Variants in FOXF1 observed in about 807,000 individuals in gnomAD.
FOXF1 encodes the protein forkhead box F1.
Under a neutral mutation model 26.6 loss-of-function variants are expected in FOXF1, and 9 were observed. The ratio of observed to expected loss-of-function variants is 0.34; its 90% CI spans 0.20 to 0.59. FOXF1 has a LOEUF of 0.59. Ranked by LOEUF, FOXF1 falls within the 20% of genes least tolerant of loss-of-function variation. The probability of loss-of-function intolerance (pLI) is 0.83; values close to 1 mark genes in which losing one functional copy is unlikely to be tolerated. For synonymous variants in FOXF1, 330 were observed against 257.7 expected (o/e 1.28, Z -2.69); for missense variants, 499 against 549.9 (o/e 0.91, Z 0.93).
At chr16:86,511,759 T>C (rs1969569698) in intron 1 of FOXF1, among the ~76,000 whole-genome samples, 2 of 152,210 alleles carry the variant, frequency 1.3e-5, no homozygotes, top group African/African-American at 4.8e-5. Context: ...TCTGTTTCTC[T>C]TTCTGTTCGA....
chr16:86,513,026 G>C lies in FOXF1; in HGVS notation c.1081G>C (p.Gly361Arg). The C allele has an allele frequency of 6.2e-7, 1 of 1,613,654 alleles. No homozygotes were observed. The highest frequency in any genetic ancestry group is 1.3e-5 in the African/African-American group (1 of 75,058). The change falls in exon 2 of 2, where the codon GGG becomes CGG. Residue 361 changes from glycine to arginine, a missense_variant. Physicochemically the swap from Gly to Arg is moderately radical, Grantham distance 125 (BLOSUM62 -2). Transcript: ENST00000262426. The stretch of plus-strand genomic sequence containing the variant: ...GTCCTCTTCCATGCACTCGGCCGGC[G>C]GGGGCTCCTACTACCACCAGCAGGT... ...MASSSMHSAG[G>R]GSYYHQQVTY...
Position 86,513,626 on chromosome 16 carries a change from G to A in FOXF1, c.*541G>A, listed in dbSNP as rs1031686842. The A allele has an allele frequency of 3.9e-5, 6 of 154,910 alleles. No homozygotes were observed. The highest frequency in any genetic ancestry group is 1.5e-4 in the African/African-American group (6 of 41,330). The allele number at this position is 154,910 out of a possible 1,614,324, so 9.6% of individuals were successfully genotyped here. ...TTTTGCAGGGAGCGGGAAGTGACAA[G>A]AGCTCAGATCTCCCTCCCGATCTCC... On this transcript the variant is annotated 3_prime_UTR_variant, in exon 2 of 2. Transcript: ENST00000262426.
chr16:86,514,249 C>CTTT lies in FOXF1; in HGVS notation c.*1174_*1176dup, dbSNP rs397854726. ...ATATATAATATGAAGGACTACCCTC[C>CTTT]TTTTTTTTTTTTGTATTTTGGCTGC... On this transcript the variant is annotated 3_prime_UTR_variant, in exon 2 of 2. Transcript: ENST00000262426. The CTTT allele has an allele frequency of 2.7e-5, 4 of 147,104 alleles. No homozygotes were observed. Among genetic ancestry groups the CTTT allele is most frequent in the Non-Finnish European group, 4.5e-5 (3 of 66,574 alleles). The allele number at this position is 147,104 out of a possible 1,614,324, so 9.1% of individuals were successfully genotyped here.
Position 86,513,373 on chromosome 16 carries a change from C to G in FOXF1, c.*288C>G, listed in dbSNP as rs923229688. ...TTGATCCTGTTGAACCCGCCTGAGA[C>G]GGTGCTGTGCAGGGGAAAGCCCCCG... On this transcript the variant is annotated 3_prime_UTR_variant, in exon 2 of 2. Transcript: ENST00000262426. 6.8e-6 allele frequency: 3 copies of G among 440,126 alleles called. No homozygotes were observed. The highest frequency in any genetic ancestry group is 1.2e-5 in the Non-Finnish European group (3 of 243,868). 27.3% of individuals were successfully genotyped at this position (440,126 alleles called of 1,614,324 possible).
Position 86,511,138 on chromosome 16 carries a change from G to A in FOXF1, c.569G>A (p.Gly190Asp). The A allele has an allele frequency of 1.2e-6, 2 of 1,601,584 alleles. No individual in the cohort carries two copies. The highest frequency in any genetic ancestry group is 1.7e-6 in the Non-Finnish European group (2 of 1,179,290). ...SCPPNSLALE[G>D]GLGMMNGHLP... ...CCGCCCAACAGCCTGGCGCTGGAGG[G>A]CGGCCTGGGCATGATGAACGGCCAC... The change falls in exon 1 of 2, where the codon GGC (glycine) becomes GAC (aspartate). Residue 190 changes from glycine (G) to aspartate (D), a missense_variant. By Grantham distance (94) the Gly-to-Asp change is moderately conservative. This residue lies in a region of FOXF1 where 367 missense variants were observed against 324.8 expected (regional missense o/e 1.13). Transcript: ENST00000262426.
chr16:86,511,632 A>G (rs975321015), intron 1 of FOXF1, 84 bp downstream of exon 1: 1 of 1,530,916 alleles, frequency 6.5e-7, no homozygotes, highest in Non-Finnish European at 8.7e-7. Context: ...GAGCCCCTCC[A>G]CTTCTGTGGT....
chr16:86,511,274 G>C lies in FOXF1; in HGVS notation c.705G>C (p.Glu235Asp). The C allele has an allele frequency of 2.6e-6, 4 of 1,522,484 alleles. No homozygotes were observed. The highest frequency in any genetic ancestry group is 3.5e-6 in the Non-Finnish European group (4 of 1,141,672). The allele number at this position is 1,522,484 out of a possible 1,614,324, so 94.3% of individuals were successfully genotyped here. A position where few individuals can be genotyped will look rare whatever the true frequency, so the allele number is the denominator to read the frequency against. The change falls in exon 1 of 2, where the codon GAG (glutamate) becomes GAC (aspartate). Residue 235 changes from glutamate to aspartate, a missense_variant. Physicochemically the swap from Glu to Asp is conservative, Grantham distance 45. Around this residue, in one of 5 missense-constraint regions of FOXF1, gnomAD observed 367 missense variants for 324.8 expected, o/e 1.13. Coordinates refer to ENST00000262426, the MANE Select transcript of FOXF1 (RefSeq NM_001451.3). ...MGGCGGAAAG[E>D]YPHHDSSVPA... ...GCTGCGGCGGCGCGGCGGCCGGCGAGTACCCGCACCACGACAGCTCGGTGC... is the reference window on the plus strand; with the variant it reads ...GCTGCGGCGGCGCGGCGGCCGGCGACTACCCGCACCACGACAGCTCGGTGC...
chr16:86,510,707 G>T lies in FOXF1; in HGVS notation c.138G>T (p.Pro46=), dbSNP rs757172563. Residue 46 remains proline (P), a synonymous_variant, in exon 1 of 2, where the codon CCG becomes CCT. Transcript: ENST00000262426. The part of the protein sequence containing the change: ...AKKTNAGIRR[P]EKPPYSYIAL... ...AGACCAACGCCGGCATCCGGCGCCC[G>T]GAGAAGCCGCCCTATTCCTACATCG... The T allele has an allele frequency of 6.2e-6, 10 of 1,613,308 alleles. No individual in the cohort carries two copies. In the South Asian group the frequency reaches 9.9e-5, roughly 16 times the overall value.
chr16:86,512,838 C>G (rs902509401), intron 1 of FOXF1, 87 bp from the exon 2 acceptor site: 36 of 1,504,142 alleles, frequency 2.4e-5, no homozygotes, highest in Non-Finnish European at 3.0e-5. Flanking sequence ...GTGCGCCCCA[C>G]GGGAGCACTG....
chr16:86,512,220 C>G (rs926685367), intron 1 of FOXF1, among the ~76,000 whole-genome samples: 13 of 152,168 alleles, frequency 8.5e-5, no homozygotes, highest in Non-Finnish European at 1.8e-4. Context: ...CCCCCAACAC[C>G]CCTGATACCC....
Position 86,510,604 on chromosome 16 carries a change from ACGGCGGCGGCGG to A in FOXF1, c.48_59del (p.Gly20_Gly23del), listed in dbSNP as rs574179816. The stretch of plus-strand genomic sequence containing the variant: ...GCGCCCGAGAAGCAGCAGCCACCGC[ACGGCGGCGGCGG>A]CGGCGGCGGCGGGGGAGGCGGCGCG... On this transcript the variant is annotated inframe_deletion, in exon 1 of 2. Transcript: ENST00000262426. The A allele has an allele frequency of 1.2e-5, 17 of 1,378,992 alleles. No individual in the cohort carries two copies. The highest frequency in any genetic ancestry group is 3.7e-5 in the South Asian group (2 of 54,462). The allele number at this position is 1,378,992 out of a possible 1,614,324, so 85.4% of individuals were successfully genotyped here. A position where few individuals can be genotyped will look rare whatever the true frequency, so the allele number is the denominator to read the frequency against.
chr16:86,514,557 A>T lies in FOXF1; in HGVS notation c.*1472A>T, dbSNP rs879670877. On this transcript the variant is annotated 3_prime_UTR_variant, in exon 2 of 2. Coordinates refer to ENST00000262426, the MANE Select transcript of FOXF1 (RefSeq NM_001451.3). ...GCTTTGGATCTCTAGACGCTTAAAAATTTACAATCTGGGTGATTCTGAGTA... is the reference window on the plus strand; with the variant it reads ...GCTTTGGATCTCTAGACGCTTAAAATTTTACAATCTGGGTGATTCTGAGTA... 6.6e-6 allele frequency: 1 copy of T among 152,178 alleles called. No homozygotes were observed. The allele number at this position is 152,178 out of a possible 1,614,324, so 9.4% of individuals were successfully genotyped here. A position where few individuals can be genotyped will look rare whatever the true frequency, so the allele number is the denominator to read the frequency against.
Position 86,512,917 on chromosome 16 carries a change from C to T in FOXF1, c.980-8C>T, listed in dbSNP as rs768111220. ...TCCCCCAACCCCTCCTGTCGCCTCG[C>T]CTTGCAGGCATCCCGCGGTATCACT... On this transcript the variant is annotated splice_region_variant and splice_polypyrimidine_tract_variant and intron_variant, in intron 1 of 1. Transcript: ENST00000262426. The T allele has an allele frequency of 1.2e-6, 2 of 1,614,026 alleles. No individual in the cohort carries two copies. Among genetic ancestry groups the T allele is most frequent in the African/African-American group, 1.3e-5 (1 of 75,070 alleles).
chr16:86,511,496 G>A lies in FOXF1; in HGVS notation c.927G>A (p.Leu309=), dbSNP rs375348663. 3 of 1,584,344 alleles carry A rather than the reference G, an allele frequency of 1.9e-6. No individual in the cohort carries two copies. In the South Asian group the frequency reaches 3.4e-5, roughly 18 times the overall value. Residue 309 remains leucine, a synonymous_variant, in exon 1 of 2, where the codon CTG becomes CTA. Coordinates refer to ENST00000262426, the MANE Select transcript of FOXF1 (RefSeq NM_001451.3). ...CCGGCAGCCTCTCCACGCACTCCCT[G>A]GAGCAGCCGTATCTGCACCAGAACA... The part of the protein sequence containing the change: ...PLSGSLSTHS[L]EQPYLHQNSH...
At position 86,511,560 on chromosome 16, in the gene FOXF1, G is replaced by A; in HGVS notation, c.979+12G>A. The A allele has an allele frequency of 1.9e-6, 3 of 1,576,400 alleles. No individual in the cohort carries two copies. The highest frequency in any genetic ancestry group is 1.1e-5 in the South Asian group (1 of 87,722). ...AGCCGAGCTGCAAGGTGAGTGGGGAGGCCGAGGGCGCCCTGGTCCCCGGGA... is the reference window on the plus strand; with the variant it reads ...AGCCGAGCTGCAAGGTGAGTGGGGAAGCCGAGGGCGCCCTGGTCCCCGGGA... On this transcript the variant is annotated intron_variant, in intron 1 of 1. Transcript: ENST00000262426.
Position 86,513,623 on chromosome 16 carries a change from CAA to C in FOXF1, c.*539_*540del, listed in dbSNP as rs1489463790. ...GTCTTTTGCAGGGAGCGGGAAGTGA[CAA>C]GAGCTCAGATCTCCCTCCCGATCTC... On this transcript the variant is annotated 3_prime_UTR_variant, in exon 2 of 2. Transcript: ENST00000262426. 3 of 155,246 alleles carry C rather than the reference CAA, an allele frequency of 1.9e-5. No homozygotes were observed. The highest frequency in any genetic ancestry group is 4.8e-5 in the African/African-American group (2 of 41,320). The allele number at this position is 155,246 out of a possible 1,614,324, so 9.6% of individuals were successfully genotyped here.
At chr16:86,512,727 A>T (rs977348373) in intron 1 of FOXF1, among the ~76,000 whole-genome samples, 198 bp from the exon 2 acceptor site, 3 of 146,880 alleles carry the variant, frequency 2.0e-5, no homozygotes, top group Non-Finnish European at 4.4e-5. Flanking sequence ...GGCCGTGGCA[A>T]GTGTTCTGGA....
intron 1 of FOXF1, among the ~76,000 whole-genome samples, chr16:86,511,873 C>G (rs1422897054): frequency 6.6e-6 from 1 of 152,238 alleles, no homozygotes; most frequent in Non-Finnish European, 1.5e-5. Flanking sequence ...TAAGTCCCCT[C>G]ACAGCTTGGA....
chr16:86,514,515 G>GA lies in FOXF1; in HGVS notation c.*1436dup, dbSNP rs1597293329. ...TCCAGACTCCCAAAGATAGAGGGGG[G>GA]AAAAAAGAAAAAACAGGCTTTGGAT... On this transcript the variant is annotated 3_prime_UTR_variant, in exon 2 of 2. Transcript: ENST00000262426. 1 of 151,750 alleles carries GA rather than the reference G, an allele frequency of 6.6e-6. No homozygotes were observed. The highest frequency in any genetic ancestry group is 2.1e-4 in the South Asian group (1 of 4,822). The allele number at this position is 151,750 out of a possible 1,614,324, so 9.4% of individuals were successfully genotyped here. A position where few individuals can be genotyped will look rare whatever the true frequency, so the allele number is the denominator to read the frequency against.
Sources: allele counts gnomAD v4.1 joint callset (sites outside exome capture counted in the v4.1 genomes callset), GRCh38; gene constraint gnomAD v4.1.1; regional missense constraint gnomAD v4.1.1; transcripts MANE v1.5; gene names NCBI Gene and HGNC (gene_info 2026-07-23, HGNC 2026-07-21).